URI1: variants seen among roughly 807,000 people sequenced by gnomAD.
URI1 encodes unconventional prefoldin RPB5 interactor 1.
Under a neutral mutation model 60.2 loss-of-function variants are expected in URI1, and 39 were observed. The observed-to-expected ratio is 0.65, with a 90% CI of 0.50 to 0.85. The LOEUF is 0.85. URI1 is among the 40% of genes least tolerant of loss of function. URI1 has a pLI of 0.00. For synonymous variants in URI1, 251 were observed against 236.8 expected (o/e 1.06, Z -0.55); for missense variants, 691 against 665.9 (o/e 1.04, Z -0.42).
At chr19:29,984,334 C>G (rs1160396765) in intron 2 of URI1, among the ~76,000 whole-genome samples, 2 of 152,142 alleles carry the variant, frequency 1.3e-5, no homozygotes, top group Non-Finnish European at 2.9e-5. Flanking sequence ...GAGGCTAAGG[C>G]AGGGGAATCA....
chr19:29,982,007 C>T (rs1038696036), intron 2 of URI1, among the ~76,000 whole-genome samples: 1 of 152,086 alleles, frequency 6.6e-6, no homozygotes, highest in African/African-American at 2.4e-5. Context: ...ATTATTTAAG[C>T]CTGAAATAAT....
intron 1 of URI1, among the ~76,000 whole-genome samples, chr19:29,970,860 A>C (rs538195859): frequency 6.6e-6 from 1 of 152,222 alleles, no homozygotes; most frequent in East Asian, 1.9e-4. Context: ...ATTCTACAAA[A>C]TATGTAATAT....
chr19:30,013,785 A>G (rs1016838161), intron 10 of URI1, among the ~76,000 whole-genome samples: 11 of 152,174 alleles, frequency 7.2e-5, no homozygotes, highest in Non-Finnish European at 1.2e-4. Context: ...GAAGGAGAAG[A>G]AGGCTCTATG....
intron 4 of URI1, 132 bp from the exon 5 acceptor site, chr19:30,005,227 AGG>A: frequency 1.8e-6 from 1 of 554,868 alleles, no homozygotes; most frequent in East Asian, 3.1e-5. Context: ...TCCATTTAAA[AGG>A]AAAATAGTGT....
intron 1 of URI1, among the ~76,000 whole-genome samples, chr19:29,944,463 T>G (rs1237804862): frequency 6.6e-6 from 1 of 152,006 alleles, no homozygotes. Context: ...TTCTGCCATT[T>G]GGCATATTAA....
chr19:29,931,953 G>A (rs1333617831), intron 1 of URI1, among the ~76,000 whole-genome samples: 1 of 73,474 alleles, frequency 1.4e-5, no homozygotes, highest in Non-Finnish European at 3.0e-5. Context: ...TGTGTTGGGT[G>A]GGTATTCATT....
Position 30,007,653 on chromosome 19 carries a change from A to G in URI1, c.686+15A>G. ...GAACTTGATAGGTACTTGATGACAA[A>G]TTATCTTTCCAAGATAATTTGTTTC... On this transcript the variant is annotated intron_variant, in intron 7 of 10. Coordinates refer to ENST00000392271, the MANE Select transcript of URI1 (RefSeq NM_003796.3). 1.3e-6 allele frequency: 2 copies of G among 1,564,512 alleles called. No individual in the cohort carries two copies. The highest frequency in any genetic ancestry group is 1.7e-6 in the Non-Finnish European group (2 of 1,159,364).
intron 6 of URI1, among the ~76,000 whole-genome samples, chr19:30,005,910 G>C (rs2055936434): frequency 1.3e-5 from 2 of 151,874 alleles, no homozygotes; most frequent in Admixed American, 1.3e-4. Context: ...ATTCCTGACT[G>C]GTCTGTTTTA....
chr19:29,942,434 G>A lies in URI1; in HGVS notation c.-114G>A, dbSNP rs1428931318. On this transcript the variant is annotated 5_prime_UTR_variant, in exon 1 of 11. Coordinates refer to ENST00000392271, the MANE Select transcript of URI1 (RefSeq NM_003796.3). Reference sequence around the variant, plus strand: ...GCGGCGGGCGCGGCCTCCTGGGCGCGGGGCGCGCGGTGCCTGAGGGCGGGC... The same window carrying A: ...GCGGCGGGCGCGGCCTCCTGGGCGCAGGGCGCGCGGTGCCTGAGGGCGGGC... 1.0e-6 allele frequency: 1 copy of A among 986,202 alleles called. No homozygotes were observed. Among genetic ancestry groups the A allele is most frequent in the East Asian group, 1.1e-4 (1 of 8,990 alleles). The allele number at this position is 986,202 out of a possible 1,614,324, so 61.1% of individuals were successfully genotyped here.
At chr19:29,984,143 C>T (rs527429730) in intron 2 of URI1, among the ~76,000 whole-genome samples, 107 of 152,234 alleles carry the variant, frequency 7.0e-4, no homozygotes, top group Non-Finnish European at 1.0e-3. Flanking sequence ...TCTCTTCTTT[C>T]GGCCGGGTGT....
chr19:29,970,304 A>G lies in URI1; in HGVS notation c.118-889A>G, dbSNP rs965479949. On this transcript the variant is annotated intron_variant, in intron 1 of 10. Coordinates refer to ENST00000392271, the MANE Select transcript of URI1 (RefSeq NM_003796.3). ...TTAAGCATTTTGGCTTTCATCCCCT[A>G]GTTTCTCTGTCTCTAAAATGGTATA... Among the ~76,000 whole-genome samples the G allele has an allele frequency of 2.6e-5, 4 of 151,878 alleles. No homozygotes were observed. The South Asian group carries it at 6.3e-4, about 24-fold the overall frequency.
intron 1 of URI1, among the ~76,000 whole-genome samples, chr19:29,957,589 C>T (rs1049848446): frequency 6.6e-6 from 1 of 152,054 alleles, no homozygotes; most frequent in African/African-American, 2.4e-5. Flanking sequence ...GCACTTTGTT[C>T]TTCAAGATTG....
intron 1 of URI1, among the ~76,000 whole-genome samples, chr19:29,964,588 G>A (rs1221740496): frequency 6.6e-6 from 1 of 150,756 alleles, no homozygotes; most frequent in Non-Finnish European, 1.5e-5. Flanking sequence ...AGCCTCCTGA[G>A]TAGCTGGGAT....
intron 4 of URI1, among the ~76,000 whole-genome samples, chr19:29,989,034 G>T (rs977680987): frequency 6.6e-6 from 1 of 151,944 alleles, no homozygotes; most frequent in Non-Finnish European, 1.5e-5. Flanking sequence ...ATTGATTCAT[G>T]CACTTATTTT....
chr19:29,947,934 A>G (rs775548858), intron 1 of URI1, among the ~76,000 whole-genome samples: 3 of 152,196 alleles, frequency 2.0e-5, no homozygotes, highest in Non-Finnish European at 4.4e-5. Flanking sequence ...GAGAATCTAC[A>G]TTCTACCTGG....
intron 4 of URI1, among the ~76,000 whole-genome samples, chr19:29,993,978 C>A (rs1385768206): frequency 6.6e-6 from 1 of 152,040 alleles, no homozygotes; most frequent in Non-Finnish European, 1.5e-5. Flanking sequence ...CTCTATTTAG[C>A]CAGTCCTTTA....
intron 1 of URI1, among the ~76,000 whole-genome samples, chr19:29,950,674 C>T (rs1041181267): frequency 4.6e-5 from 7 of 152,148 alleles, no homozygotes. Flanking sequence ...TTCTACATAA[C>T]CATATCTTTT....
chr19:29,965,573 A>G (rs1367014610), intron 1 of URI1, among the ~76,000 whole-genome samples: 98 of 152,340 alleles, frequency 6.4e-4, no homozygotes, highest in Non-Finnish European at 2.9e-5. Context: ...TTCATTGCAA[A>G]TGTTATGTTT....
At chr19:29,940,533 C>T (rs1004394259), upstream of URI1, among the ~76,000 whole-genome samples, 1 of 152,068 alleles carries the variant, frequency 6.6e-6, no homozygotes, top group African/African-American at 2.4e-5. Flanking sequence ...CCTGTAGTCC[C>T]AGCTACTCAG....
Sources: gnomAD v4.1 joint callset for allele counts (sites outside exome capture counted in the v4.1 genomes callset) on GRCh38, gnomAD v4.1.1 for gene constraint, MANE v1.5 for transcripts, NCBI Gene and HGNC (gene_info 2026-07-23, HGNC 2026-07-21) for gene names.